The following BMPR1B variants were observed in gnomAD, a reference collection of about 807,000 sequenced individuals.
BMPR1B encodes the protein bone morphogenetic protein receptor type-1B.
BMPR1B carries 12 observed loss-of-function variants against 59.1 expected under a neutral mutation model. The observed-to-expected ratio is 0.20, with a 90% CI of 0.13 to 0.33. The LOEUF (loss-of-function observed/expected upper bound fraction) is 0.33, where lower values mean the gene tolerates loss of function less well. BMPR1B is among the 10% of genes least tolerant of loss of function. The pLI is 1.00. For missense variants in BMPR1B, 550 were observed against 610.9 expected, an observed-to-expected ratio of 0.90 and a Z score of 1.05; for synonymous variants, 237 against 207.3, an observed-to-expected ratio of 1.14 and a Z score of -1.23.
chr4:95,135,809 C>G (rs1382835022), intron 10 of BMPR1B, among the ~76,000 whole-genome samples: 1 of 152,138 alleles, frequency 6.6e-6, no homozygotes, highest in African/African-American at 2.4e-5. Flanking sequence ...CATCTGCAAA[C>G]AGGGACAATT....
intron 3 of BMPR1B, among the ~76,000 whole-genome samples, chr4:95,010,445 A>G (rs540687874): frequency 2.0e-5 from 3 of 152,246 alleles, no homozygotes; most frequent in East Asian, 1.9e-4. Context: ...CAGCTTCATC[A>G]TCTAGAGCCT....
chr4:95,152,694 C>T lies in BMPR1B; in HGVS notation c.1304C>T (p.Pro435Leu), dbSNP rs985981901. The change falls in exon 12 of 13, where the codon CCC (proline) becomes CTC (leucine). Residue 435 changes from proline (P) to leucine (L), a missense_variant. This residue lies in a region of BMPR1B where 123 missense variants were observed against 164.6 expected (regional missense o/e 0.75). Transcript: ENST00000515059. ...LPYHDLVPSDPSYEDMREIVC... is the reference protein window; with the variant it reads ...LPYHDLVPSDLSYEDMREIVC... ...TATCATGACCTAGTGCCCAGTGACC[C>T]CTCTTATGAGGACATGAGGGAGATT... The T allele has an allele frequency of 6.3e-7, 1 of 1,595,064 alleles. No individual in the cohort carries two copies. The highest frequency in any genetic ancestry group is 1.3e-5 in the African/African-American group (1 of 74,492).
intron 2 of BMPR1B, among the ~76,000 whole-genome samples, chr4:94,927,381 T>C (rs1449378079): frequency 6.6e-6 from 1 of 152,134 alleles, no homozygotes; most frequent in East Asian, 1.9e-4. Context: ...AAATGAAACA[T>C]AGGAACTATA....
intron 3 of BMPR1B, among the ~76,000 whole-genome samples, chr4:94,997,521 AAATT>A (rs1290129761): frequency 1.3e-5 from 2 of 152,220 alleles, no homozygotes; most frequent in African/African-American, 4.8e-5. Flanking sequence ...AAATGTTTCA[AAATT>A]AATTTTATTA....
chr4:95,023,768 A>G (rs1218893684), intron 3 of BMPR1B, among the ~76,000 whole-genome samples: 1 of 152,230 alleles, frequency 6.6e-6, no homozygotes, highest in Non-Finnish European at 1.5e-5. Context: ...ACCCACAAAT[A>G]AAACAACAGA....
intron 2 of BMPR1B, among the ~76,000 whole-genome samples, chr4:94,931,558 C>T (rs774942240): frequency 1.6e-4 from 25 of 151,998 alleles, no homozygotes; most frequent in Non-Finnish European, 3.2e-4. Flanking sequence ...AGCTTCTACT[C>T]TTCAATTATA....
intron 3 of BMPR1B, among the ~76,000 whole-genome samples, chr4:95,009,852 T>C (rs560380225): frequency 1.8e-4 from 28 of 152,344 alleles, no homozygotes; most frequent in African/African-American, 5.3e-4. Flanking sequence ...TACTCATTTG[T>C]AAAGAAGGAT....
intron 3 of BMPR1B, among the ~76,000 whole-genome samples, chr4:95,100,508 A>G (rs1467716036): frequency 6.6e-6 from 1 of 152,072 alleles, no homozygotes; most frequent in Admixed American, 6.6e-5. Context: ...GTTTGTCTAC[A>G]GTGTTACAAA....
chr4:95,015,705 T>TG (rs1271672396), intron 3 of BMPR1B, among the ~76,000 whole-genome samples: 9 of 151,988 alleles, frequency 5.9e-5, no homozygotes, highest in Non-Finnish European at 8.8e-5. Flanking sequence ...TCATTTTTTT[T>TG]TTTTTTGAGA....
intron 1 of BMPR1B, among the ~76,000 whole-genome samples, chr4:94,812,305 T>C (rs112454705): frequency 1.2e-3 from 176 of 152,302 alleles, no homozygotes; most frequent in African/African-American, 3.9e-3. Context: ...ACATATCCAC[T>C]TGGCCTTGAA....
chr4:95,053,741 C>T (rs889273013), intron 3 of BMPR1B, among the ~76,000 whole-genome samples: 1 of 152,080 alleles, frequency 6.6e-6, no homozygotes, highest in Non-Finnish European at 1.5e-5. Context: ...AGCTTTGTCA[C>T]CAATTGACTT....
intron 1 of BMPR1B, among the ~76,000 whole-genome samples, chr4:94,777,101 T>A (rs529780188): frequency 4.7e-4 from 71 of 152,308 alleles, no homozygotes; most frequent in African/African-American, 1.7e-3. Context: ...ACAGTGAACA[T>A]CTTTATGAAT....
At chr4:94,801,082 C>T (rs1723389971) in intron 1 of BMPR1B, among the ~76,000 whole-genome samples, 1 of 152,168 alleles carries the variant, frequency 6.6e-6, no homozygotes, top group Non-Finnish European at 1.5e-5. Flanking sequence ...TGATTTCACC[C>T]AAGTGCCGTG....
At chr4:95,008,985 T>C (rs1488833271) in intron 3 of BMPR1B, among the ~76,000 whole-genome samples, 1 of 151,900 alleles carries the variant, frequency 6.6e-6, no homozygotes, top group Non-Finnish European at 1.5e-5. Context: ...AGCCCCGGAG[T>C]TGATGATTGC....
At chr4:94,770,450 G>A (rs996340105) in intron 1 of BMPR1B, among the ~76,000 whole-genome samples, 8 of 151,918 alleles carry the variant, frequency 5.3e-5, no homozygotes, top group African/African-American at 1.9e-4. Context: ...CCCTTATCCT[G>A]AGAAGTATAG....
chr4:95,079,249 T>C (rs922554220), intron 3 of BMPR1B, among the ~76,000 whole-genome samples: 2 of 152,198 alleles, frequency 1.3e-5, no homozygotes, highest in African/African-American at 2.4e-5. Context: ...TAACGGTGTT[T>C]GTTCCTTTTG....
intron 3 of BMPR1B, among the ~76,000 whole-genome samples, chr4:95,005,425 G>A (rs1370011156): frequency 6.6e-6 from 1 of 151,936 alleles, no homozygotes; most frequent in Non-Finnish European, 1.5e-5. Flanking sequence ...GTACATTGGC[G>A]TCCTGTAAGG....
chr4:94,882,628 G>A (rs1727018487), intron 2 of BMPR1B, among the ~76,000 whole-genome samples: 1 of 152,154 alleles, frequency 6.6e-6, no homozygotes, highest in Non-Finnish European at 1.5e-5. Flanking sequence ...CCTGATAACA[G>A]GTTAATCCAG....
intron 2 of BMPR1B, among the ~76,000 whole-genome samples, chr4:94,980,349 G>A (rs1731189513): frequency 6.6e-6 from 1 of 152,096 alleles, no homozygotes; most frequent in Admixed American, 6.5e-5. Flanking sequence ...CCCTAATTTT[G>A]CCTCAACCAC....
Sources: allele counts gnomAD v4.1 joint callset (sites outside exome capture counted in the v4.1 genomes callset), GRCh38; gene constraint gnomAD v4.1.1; regional missense constraint gnomAD v4.1.1; transcripts MANE v1.5; gene names NCBI Gene and HGNC (gene_info 2026-07-23, HGNC 2026-07-21).